SGCG: variants seen among roughly 807,000 people sequenced by gnomAD.
The protein encoded by SGCG is sarcoglycan gamma.
Under a neutral mutation model 29.3 loss-of-function variants are expected in SGCG, and 26 were observed. That is an observed-to-expected ratio of 0.89 (90% confidence interval 0.65 to 1.23). The LOEUF (loss-of-function observed/expected upper bound fraction) is 1.23. SGCG is among the 50% of genes most tolerant of loss of function. SGCG has a pLI of 0.00. For missense variants in SGCG, 353 were observed against 356.0 expected, an observed-to-expected ratio of 0.99 and a Z score of 0.07; for synonymous variants, 145 against 129.7, an observed-to-expected ratio of 1.12 and a Z score of -0.80.
chr13:23,286,473 T>G (rs1303403738), intron 5 of SGCG, among the ~76,000 whole-genome samples: 1 of 152,230 alleles, frequency 6.6e-6, no homozygotes. Context: ...TATTCACTCT[T>G]GTGATGACTG....
Position 23,324,555 on chromosome 13 carries a change from T to G in SGCG, c.*14T>G, listed in dbSNP as rs1488839956. 6.2e-7 allele frequency: 1 copy of G among 1,606,260 alleles called. No individual in the cohort carries two copies. The highest frequency in any genetic ancestry group is 1.3e-5 in the African/African-American group (1 of 74,844). On this transcript the variant is annotated 3_prime_UTR_variant, in exon 8 of 8. Coordinates refer to ENST00000218867, the MANE Select transcript of SGCG (RefSeq NM_000231.3). ...ATCTGCCTCTGAGCTGCCTGCGTCC[T>G]CTCGGTGAGCTGTGCAGTGCCGGCC...
chr13:23,276,940 C>T (rs1881102683), intron 4 of SGCG, among the ~76,000 whole-genome samples: 1 of 152,200 alleles, frequency 6.6e-6, no homozygotes, highest in Non-Finnish European at 1.5e-5. Flanking sequence ...CTATATCTCA[C>T]TCATTTGCAC....
intron 4 of SGCG, among the ~76,000 whole-genome samples, chr13:23,275,145 A>G (rs1364642660): frequency 6.7e-6 from 1 of 148,510 alleles, no homozygotes; most frequent in Non-Finnish European, 1.5e-5. Flanking sequence ...ATATATATAG[A>G]AATGAGGACG....
intron 6 of SGCG, among the ~76,000 whole-genome samples, chr13:23,318,713 T>C (rs1245424292): frequency 5.3e-5 from 8 of 152,198 alleles, no homozygotes; most frequent in Non-Finnish European, 1.0e-4. Context: ...TGTGTCTCAA[T>C]CTGGGTTGAA....
intron 6 of SGCG, among the ~76,000 whole-genome samples, chr13:23,314,406 AT>A (rs1882724799): frequency 7.1e-6 from 1 of 141,644 alleles, no homozygotes; most frequent in Non-Finnish European, 1.5e-5. Context: ...ATATATATAT[AT>A]AATCTTATTC....
At chr13:23,248,266 G>C (rs1879799540) in intron 3 of SGCG, among the ~76,000 whole-genome samples, 1 of 151,982 alleles carries the variant, frequency 6.6e-6, no homozygotes, top group South Asian at 2.1e-4. Context: ...CTGCATTTTT[G>C]TGTGGCAAAT....
chr13:23,192,833 A>G (rs1877330934), intron 1 of SGCG, among the ~76,000 whole-genome samples: 1 of 152,260 alleles, frequency 6.6e-6, no homozygotes, highest in African/African-American at 2.4e-5. Context: ...ATGAGGATAT[A>G]CTTTATTCTG....
chr13:23,301,401 C>A (rs1377467343), intron 6 of SGCG, among the ~76,000 whole-genome samples: 1 of 152,142 alleles, frequency 6.6e-6, no homozygotes, highest in Non-Finnish European at 1.5e-5. Context: ...GCCCCCAGAA[C>A]TTTGTTTCTC....
At chr13:23,307,986 A>T (rs1882420909) in intron 6 of SGCG, among the ~76,000 whole-genome samples, 1 of 151,960 alleles carries the variant, frequency 6.6e-6, no homozygotes, top group African/African-American at 2.4e-5. Flanking sequence ...ATAAATGTCA[A>T]CATTACACCT....
intron 6 of SGCG, among the ~76,000 whole-genome samples, chr13:23,314,119 C>CTATATCTA (rs1882704363): frequency 6.6e-6 from 1 of 150,394 alleles, no homozygotes; most frequent in Non-Finnish European, 1.5e-5. Context: ...TTATATATAT[C>CTATATCTA]TATATCTATA....
rs55873099 is a variant in SGCG, at chr13:23,275,120, A to AATATATATATATATATATATATATATAT, written c.386-4216_386-4215insTATATATATATATATATATATATATATA. Reference sequence around the variant, plus strand: ...GGTAGGATAGTGTTCTAATGGATGGAATATATATATATATATATATATAGA... The same window carrying AATATATATATATATATATATATATATAT: ...GGTAGGATAGTGTTCTAATGGATGGAATATATATATATATATATATATATATATATATATATATATATATATATATAGA... On this transcript the variant is annotated intron_variant, in intron 4 of 7. Coordinates refer to ENST00000218867, the MANE Select transcript of SGCG (RefSeq NM_000231.3). 4.9e-3 allele frequency among the ~76,000 whole-genome samples: 633 copies of AATATATATATATATATATATATATATAT among 129,528 alleles called. 6 individuals are homozygous for AATATATATATATATATATATATATATAT. Among genetic ancestry groups the AATATATATATATATATATATATATATAT allele is most frequent in the Non-Finnish European group, 8.1e-3 (481 of 59,472 alleles). The allele number at this position is 129,528 out of a possible 152,430, so 85.0% of individuals were successfully genotyped here.
chr13:23,176,484 A>G (rs1215073410), upstream of SGCG, among the ~76,000 whole-genome samples: 1 of 152,154 alleles, frequency 6.6e-6, no homozygotes, highest in African/African-American at 2.4e-5. Flanking sequence ...CTTTATCATT[A>G]TATAATGACC....
upstream of SGCG, among the ~76,000 whole-genome samples, chr13:23,179,422 A>G (rs1876659373): frequency 6.6e-6 from 1 of 152,240 alleles, no homozygotes; most frequent in African/African-American, 2.4e-5. Flanking sequence ...GTTCATTGCA[A>G]CAAAACCAAT....
At chr13:23,248,809 G>T (rs1879837368) in intron 3 of SGCG, among the ~76,000 whole-genome samples, 1 of 151,688 alleles carries the variant, frequency 6.6e-6, no homozygotes, top group African/African-American at 2.4e-5. Flanking sequence ...TGGCTAACAC[G>T]GTGAAACCCC....
intron 2 of SGCG, among the ~76,000 whole-genome samples, chr13:23,224,289 G>C (rs546558392): frequency 6.6e-6 from 1 of 152,226 alleles, no homozygotes; most frequent in South Asian, 2.1e-4. Context: ...CTCTAATAAG[G>C]TGAAACTACA....
intron 6 of SGCG, among the ~76,000 whole-genome samples, chr13:23,311,916 T>A (rs571361198): frequency 6.6e-6 from 1 of 152,288 alleles, no homozygotes; most frequent in South Asian, 2.1e-4. Context: ...TCCTTTCAAC[T>A]TTTCTCCTGC....
At chr13:23,274,395 C>CTTTTTTTTTTTTT (rs869153381) in intron 4 of SGCG, among the ~76,000 whole-genome samples, 13 of 85,246 alleles carry the variant, frequency 1.5e-4, no homozygotes, top group Non-Finnish European at 2.4e-4. Flanking sequence ...CTTTCTTTCT[C>CTTTTTTTTTTTTT]TTTTTTTTTT....
chr13:23,221,781 G>T (rs1199313830), intron 2 of SGCG, among the ~76,000 whole-genome samples: 1 of 152,176 alleles, frequency 6.6e-6, no homozygotes, highest in Admixed American at 6.5e-5. Flanking sequence ...ACAAGAGGTT[G>T]CTGAGTGAGA....
At chr13:23,162,463 T>A in the SGCG span, among the ~76,000 whole-genome samples, 1 of 152,082 alleles carries the variant, frequency 6.6e-6, no homozygotes. Context: ...CTACTAAAAA[T>A]ATTTTTTTAA....
Sources: gnomAD v4.1 joint callset for allele counts (sites outside exome capture counted in the v4.1 genomes callset) on GRCh38, gnomAD v4.1.1 for gene constraint, MANE v1.5 for transcripts, NCBI Gene and HGNC (gene_info 2026-07-23, HGNC 2026-07-21) for gene names.